CAPZA1: variants seen among roughly 807,000 people sequenced by gnomAD.
The protein encoded by CAPZA1 is F-actin-capping protein subunit alpha-1.
CAPZA1 carries 10 observed loss-of-function variants against 40.8 expected under a neutral mutation model. That is an observed-to-expected ratio of 0.25 (90% CI 0.15 to 0.42). The LOEUF (loss-of-function observed/expected upper bound fraction) is 0.42. Among genes scored for constraint, CAPZA1 ranks in the 10% least tolerant of loss-of-function variants. The probability of loss-of-function intolerance (pLI) is 1.00; values close to 1 mark genes in which losing one functional copy is unlikely to be tolerated. For synonymous variants in CAPZA1, 98 were observed against 115.0 expected (o/e 0.85, Z 0.95); for missense variants, 277 against 353.8 (o/e 0.78, Z 1.74).
chr1:112,639,123 A>G (rs983522764), intron 1 of CAPZA1, among the ~76,000 whole-genome samples: 1 of 151,890 alleles, frequency 6.6e-6, no homozygotes, highest in Non-Finnish European at 1.5e-5. Context: ...ATAACCATCC[A>G]CCATTTTAGT....
At chr1:112,636,480 G>T (rs1302619913) in intron 1 of CAPZA1, among the ~76,000 whole-genome samples, 1 of 152,122 alleles carries the variant, frequency 6.6e-6, no homozygotes, top group East Asian at 1.9e-4. Context: ...TTAAATATAT[G>T]AAAGAGGAAA....
chr1:112,670,127 G>C lies in CAPZA1; in HGVS notation c.856G>C (p.Ala286Pro). The change falls in exon 10 of 10, where the codon GCT becomes CCT. Residue 286 changes from alanine (A) to proline (P), a missense_variant. Coordinates refer to ENST00000263168, the MANE Select transcript of CAPZA1 (RefSeq NM_006135.3). ...CAAGATTGGCAAAGAAATGCAGAAT[G>C]CTTAAAGGCTGAATGTAGGATTCTT... is the stretch of plus-strand genomic sequence containing the variant. ...SYKIGKEMQN[A>P] 1 of 1,613,910 alleles carries C rather than the reference G, an allele frequency of 6.2e-7. No individual in the cohort carries two copies. The highest frequency in any genetic ancestry group is 8.5e-7 in the Non-Finnish European group (1 of 1,179,818).
chr1:112,655,477 AAAAAAAC>A (rs1187309849), intron 5 of CAPZA1, among the ~76,000 whole-genome samples: 1 of 99,094 alleles, frequency 1.0e-5, no homozygotes, highest in Non-Finnish European at 2.1e-5. Flanking sequence ...ACACTGTCTC[AAAAAAAC>A]AAAAAACAAA....
chr1:112,638,944 A>ATATAGG (rs1441357957), intron 1 of CAPZA1, among the ~76,000 whole-genome samples: 2 of 130,534 alleles, frequency 1.5e-5, no homozygotes, highest in East Asian at 4.2e-4. Context: ...ATAGGTATAG[A>ATATAGG]TATAGAGATA....
chr1:112,642,561 C>T (rs1024081865), intron 1 of CAPZA1, among the ~76,000 whole-genome samples: 2 of 152,114 alleles, frequency 1.3e-5, no homozygotes, highest in Admixed American at 6.5e-5. Flanking sequence ...TTGCATCTTC[C>T]TTTGTGCCTC....
chr1:112,662,395 C>CTTTTTTTTTTTTTTTTTTT (rs35100851), intron 7 of CAPZA1, among the ~76,000 whole-genome samples: 1 of 97,260 alleles, frequency 1.0e-5, no homozygotes, highest in Admixed American at 1.4e-4. Context: ...TAGAATTTTT[C>CTTTTTTTTTTTTTTTTTTT]TTTTTTTTTT....
At position 112,641,227 on chromosome 1, in the gene CAPZA1, A is replaced by T. The variant is rs1022976324; in HGVS notation, c.40-5983A>T. 3.3e-5 allele frequency among the ~76,000 whole-genome samples: 5 copies of T among 151,622 alleles called. No individual in the cohort carries two copies. The South Asian group carries it at 8.3e-4, about 25-fold the overall frequency. On this transcript the variant is annotated intron_variant, in intron 1 of 9. Transcript: ENST00000263168. ...ACCCAAGAATGATCAATAAAAAAAA[A>T]AATAAATAAATAAATAATTGAAAAA...
intron 1 of CAPZA1, chr1:112,634,581 T>C (rs1196584399): frequency 1.3e-5 from 2 of 152,234 alleles, no homozygotes; most frequent in South Asian, 2.1e-4. Flanking sequence ...GTAAGAGTTA[T>C]CCTGCTGTGA....
In CAPZA1 at chr1:112,670,316, C is replaced by A; in HGVS notation, c.*184C>A. 1 of 479,116 alleles carries A rather than the reference C, an allele frequency of 2.1e-6. No individual in the cohort carries two copies. Among genetic ancestry groups the A allele is most frequent in the Non-Finnish European group, 3.6e-6 (1 of 278,416 alleles). 29.7% of individuals were successfully genotyped at this position (479,116 alleles called of 1,614,324 possible). A position where few individuals can be genotyped will look rare whatever the true frequency, so the allele number is the denominator to read the frequency against. Reference sequence around the variant, plus strand: ...GTCTTGATTCTTTTGTGTTCTCTGCCTTGTAATTTTCTGTTACTGCTATAT... The same window carrying A: ...GTCTTGATTCTTTTGTGTTCTCTGCATTGTAATTTTCTGTTACTGCTATAT... On this transcript the variant is annotated 3_prime_UTR_variant, in exon 10 of 10. Transcript: ENST00000263168.
intron 2 of CAPZA1, among the ~76,000 whole-genome samples, chr1:112,647,521 A>C (rs1346003798): frequency 1.3e-5 from 2 of 152,364 alleles, no homozygotes; most frequent in East Asian, 3.8e-4. Context: ...GAAAAGATTT[A>C]ATGCAGATTA....
At chr1:112,620,470 TAATA>T (rs1322856556) in intron 1 of CAPZA1, 1 of 152,334 alleles carries the variant, frequency 6.6e-6, no homozygotes, top group East Asian at 1.9e-4. Context: ...TGATTCGCTA[TAATA>T]AATCTGTGAG....
At chr1:112,651,282 G>C (rs1298962687) in intron 3 of CAPZA1, among the ~76,000 whole-genome samples, 1 of 152,208 alleles carries the variant, frequency 6.6e-6, no homozygotes, top group Admixed American at 6.5e-5. Flanking sequence ...ACAGAGATAG[G>C]AAGTAAGATT....
At chr1:112,638,684 C>T (rs1671068428) in intron 1 of CAPZA1, among the ~76,000 whole-genome samples, 1 of 151,940 alleles carries the variant, frequency 6.6e-6, no homozygotes, top group Non-Finnish European at 1.5e-5. Context: ...TCTGTAATCC[C>T]AGCACTTTGG....
At chr1:112,636,774 A>G (rs555307411) in intron 1 of CAPZA1, among the ~76,000 whole-genome samples, 1 of 152,308 alleles carries the variant, frequency 6.6e-6, no homozygotes, top group Non-Finnish European at 1.5e-5. Context: ...TGACTAAATC[A>G]CTGTTAATGA....
intron 5 of CAPZA1, among the ~76,000 whole-genome samples, chr1:112,655,826 G>A (rs889205561): frequency 6.6e-6 from 1 of 152,092 alleles, no homozygotes; most frequent in African/African-American, 2.4e-5. Context: ...GACTCCCAAA[G>A]TGCTGGGATT....
chr1:112,659,246 G>A, intron 6 of CAPZA1, 145 bp downstream of exon 6: 1 of 623,462 alleles, frequency 1.6e-6, no homozygotes, highest in Non-Finnish European at 2.9e-6. Flanking sequence ...ATTCCTTACA[G>A]TTCTAAGGTT....
intron 1 of CAPZA1, among the ~76,000 whole-genome samples, chr1:112,639,442 A>T (rs998150365): frequency 6.6e-6 from 1 of 152,182 alleles, no homozygotes; most frequent in Non-Finnish European, 1.5e-5. Context: ...TAACTTAGAA[A>T]ATGGAAGTGA....
At chr1:112,649,315 G>A in intron 2 of CAPZA1, 103 bp from the exon 3 acceptor site, 1 of 798,962 alleles carries the variant, frequency 1.3e-6, no homozygotes, top group South Asian at 1.5e-5. Context: ...TACACCTGAA[G>A]ACTAATTTTA....
chr1:112,628,061 C>G (rs1194361812), intron 1 of CAPZA1, among the ~76,000 whole-genome samples: 1 of 152,090 alleles, frequency 6.6e-6, no homozygotes, highest in East Asian at 1.9e-4. Flanking sequence ...AAACATGGCT[C>G]TAGAAATTTA....
Sources: allele counts gnomAD v4.1 joint callset (sites outside exome capture counted in the v4.1 genomes callset), GRCh38; gene constraint gnomAD v4.1.1; transcripts MANE v1.5; gene names NCBI Gene and HGNC (gene_info 2026-07-23, HGNC 2026-07-21).